Variants in NLGN1 observed in about 807,000 individuals in gnomAD.
The protein encoded by NLGN1 is neuroligin-1.
In NLGN1, 12 loss-of-function variants were observed where a neutral mutation model predicts 65.5. That is an observed-to-expected ratio of 0.18 (90% CI 0.12 to 0.30). The LOEUF (loss-of-function observed/expected upper bound fraction) is 0.30, where lower values mean the gene tolerates loss of function less well. Ranked by LOEUF, NLGN1 falls within the 10% of genes least tolerant of loss-of-function variation. The pLI is 1.00. For synonymous variants in NLGN1, 350 were observed against 359.5 expected (o/e 0.97, Z 0.30); for missense variants, 750 against 1,007.1 (o/e 0.74, Z 3.46).
intron 4 of NLGN1, among the ~76,000 whole-genome samples, chr3:173,948,471 T>C (rs1486032417): frequency 6.6e-6 from 1 of 152,162 alleles, no homozygotes; most frequent in Non-Finnish European, 1.5e-5. Flanking sequence ...GGTTGTTTGG[T>C]CTGAAACTCA....
intron 4 of NLGN1, among the ~76,000 whole-genome samples, chr3:174,209,628 T>C (rs1203119359): frequency 7.6e-6 from 1 of 132,122 alleles, no homozygotes; most frequent in Non-Finnish European, 1.6e-5. Flanking sequence ...TCTTTCTTTT[T>C]TTTTTTTTTT....
intron 2 of NLGN1, among the ~76,000 whole-genome samples, chr3:173,488,845 T>C (rs971124182): frequency 2.0e-5 from 3 of 151,908 alleles, no homozygotes; most frequent in Non-Finnish European, 2.9e-5. Flanking sequence ...AATTTTTTCC[T>C]TCACAGTTTC....
intron 2 of NLGN1, among the ~76,000 whole-genome samples, chr3:173,535,888 A>G (rs954927262): frequency 2.0e-5 from 3 of 152,214 alleles, no homozygotes; most frequent in Non-Finnish European, 4.4e-5. Context: ...ATTTTGATAG[A>G]ACTGAGAAAA....
chr3:173,558,623 T>G (rs770902621), intron 2 of NLGN1, among the ~76,000 whole-genome samples: 8 of 152,198 alleles, frequency 5.3e-5, no homozygotes, highest in Non-Finnish European at 1.0e-4. Context: ...TGATGGCTTT[T>G]TAGAGTTTCT....
intron 4 of NLGN1, among the ~76,000 whole-genome samples, chr3:173,944,126 TGTG>T (rs201872140): frequency 0.022 from 2,760 of 124,518 alleles, 92 homozygotes; most frequent in African/African-American, 0.066. Context: ...ATATTATGGG[TGTG>T]TGTGTGTGTG....
At chr3:174,068,759 C>A (rs76570909) in intron 4 of NLGN1, among the ~76,000 whole-genome samples, 3,255 of 152,196 alleles carry the variant, frequency 0.021, 51 homozygotes, top group African/African-American at 0.031. Context: ...TCTCAATAAT[C>A]TTCTGCTTCA....
intron 4 of NLGN1, among the ~76,000 whole-genome samples, chr3:174,107,017 C>CAGAGAGAGAGAGAGAGAGAGAG (rs71162376): frequency 1.0e-5 from 1 of 97,644 alleles, no homozygotes; most frequent in African/African-American, 4.2e-5. Flanking sequence ...CACACACACA[C>CAGAGAGAGAGAGAGAGAGAGAG]AGAGAGAGAG....
chr3:173,810,747 T>C (rs1717753403), intron 4 of NLGN1, among the ~76,000 whole-genome samples: 2 of 152,338 alleles, frequency 1.3e-5, no homozygotes, highest in South Asian at 4.1e-4. Context: ...AAAAAATTTG[T>C]TTATTACAAA....
chr3:174,154,014 C>G (rs956207959), intron 4 of NLGN1, among the ~76,000 whole-genome samples: 3 of 151,938 alleles, frequency 2.0e-5, no homozygotes. Context: ...CACAATGTAA[C>G]CAAAATAAAA....
chr3:173,643,934 C>G (rs1389849934), intron 3 of NLGN1, among the ~76,000 whole-genome samples: 1 of 152,136 alleles, frequency 6.6e-6, no homozygotes, highest in Non-Finnish European at 1.5e-5. Context: ...TCAGCGGAAC[C>G]AGCAAACAGG....
intron 3 of NLGN1, among the ~76,000 whole-genome samples, chr3:173,759,693 T>A (rs1777672700): frequency 2.6e-5 from 4 of 151,982 alleles, no homozygotes. Context: ...TACTTCCATG[T>A]AACTATTGCC....
intron 2 of NLGN1, among the ~76,000 whole-genome samples, chr3:173,578,398 A>G (rs184071631): frequency 2.6e-5 from 4 of 152,304 alleles, no homozygotes; most frequent in African/African-American, 9.6e-5. Flanking sequence ...TAATTATGTA[A>G]TTAGCATAAA....
rs564862393 is a variant in NLGN1 at position 174,055,830 on chromosome 3, C to T, written c.647-219485C>T. ...CAGCAATAATCATTCTCATACCTGA[C>T]TTATTATTCTTTAATCTTACAAGTT... On this transcript the variant is annotated intron_variant, in intron 4 of 6. Transcript: ENST00000457714. 7.9e-5 allele frequency among the ~76,000 whole-genome samples: 12 copies of T among 152,064 alleles called. No homozygotes were observed. In the East Asian group the frequency reaches 9.7e-4, roughly 12 times the overall value.
intron 2 of NLGN1, among the ~76,000 whole-genome samples, chr3:173,515,569 A>G (rs912218325): frequency 5.9e-5 from 9 of 152,066 alleles, no homozygotes; most frequent in South Asian, 2.1e-4. Flanking sequence ...GCTAAAACCA[A>G]CGTCATGAAG....
intron 3 of NLGN1, among the ~76,000 whole-genome samples, chr3:173,731,772 A>G (rs939905323): frequency 6.6e-6 from 1 of 152,102 alleles, no homozygotes; most frequent in Non-Finnish European, 1.5e-5. Context: ...ATTTACATAG[A>G]AATATAAATA....
intron 4 of NLGN1, among the ~76,000 whole-genome samples, chr3:174,155,107 A>G (rs1353846197): frequency 6.7e-6 from 1 of 148,210 alleles, no homozygotes; most frequent in African/African-American, 2.5e-5. Flanking sequence ...TATCTTAAAT[A>G]TTTGGAATGC....
At chr3:173,728,199 T>C (rs1239558001) in intron 3 of NLGN1, among the ~76,000 whole-genome samples, 2 of 151,988 alleles carry the variant, frequency 1.3e-5, no homozygotes, top group Non-Finnish European at 2.9e-5. Context: ...GAGAGATGTG[T>C]AGTAGAGAAA....
At chr3:173,493,378 C>G (rs1256595676) in intron 2 of NLGN1, among the ~76,000 whole-genome samples, 1 of 151,658 alleles carries the variant, frequency 6.6e-6, no homozygotes, top group Non-Finnish European at 1.5e-5. Context: ...TTTCAGCAAG[C>G]AATAATGAAC....
chr3:173,539,635 CAT>C (rs1483644657), intron 2 of NLGN1, among the ~76,000 whole-genome samples: 7 of 36,212 alleles, frequency 1.9e-4, no homozygotes, highest in Admixed American at 6.3e-4. Context: ...TATATATACA[CAT>C]ATATACATAT....
Sources: gnomAD v4.1 joint callset for allele counts (sites outside exome capture counted in the v4.1 genomes callset) on GRCh38, gnomAD v4.1.1 for gene constraint, MANE v1.5 for transcripts, NCBI Gene and HGNC (gene_info 2026-07-23, HGNC 2026-07-21) for gene names.